ANKHD1: variants seen among roughly 807,000 people sequenced by gnomAD.
ANKHD1 encodes the protein ankyrin repeat and KH domain-containing protein 1.
In ANKHD1, 31 loss-of-function variants were observed where a neutral mutation model predicts 230.5. The observed-to-expected ratio is 0.13, with a 90% CI of 0.10 to 0.18. ANKHD1 has a LOEUF of 0.18. Ranked by LOEUF, ANKHD1 falls within the 10% of genes least tolerant of loss-of-function variation. The pLI is 1.00. For missense variants in ANKHD1, 2,256 were observed against 3,071.3 expected (o/e 0.73, Z 6.27); for synonymous variants, 1,074 against 1,117.6 (o/e 0.96, Z 0.78).
At chr5:140,488,174 T>C (rs576410817) in intron 14 of ANKHD1, among the ~76,000 whole-genome samples, 2 of 152,318 alleles carry the variant, frequency 1.3e-5, no homozygotes, top group Admixed American at 1.3e-4. Flanking sequence ...ATTTAACCTT[T>C]AGTAAAATAT....
At chr5:140,469,403 C>T (rs1776332846) in intron 10 of ANKHD1, among the ~76,000 whole-genome samples, 1 of 150,238 alleles carries the variant, frequency 6.7e-6, no homozygotes, top group African/African-American at 2.5e-5. Context: ...CCCAGCTACT[C>T]AGGAGGCTGA....
At chr5:140,466,463 A>G (rs1776096068) in intron 10 of ANKHD1, among the ~76,000 whole-genome samples, 1 of 152,120 alleles carries the variant, frequency 6.6e-6, no homozygotes, top group South Asian at 2.1e-4. Context: ...TCTAATGTAT[A>G]ACAAAACCAT....
At position 140,485,101 on chromosome 5, in the gene ANKHD1, C is replaced by A. The variant is rs373398710; in HGVS notation, c.1871-20C>A. The A allele has an allele frequency of 4.4e-6, 7 of 1,588,606 alleles. No individual in the cohort carries two copies. The highest frequency in any genetic ancestry group is 2.2e-5 in the South Asian group (2 of 89,686). ...TTGATGTCAACCTTTGCTAAGATTG[C>A]GATTTATTTTTCTTCAAAGGTGCCA... On this transcript the variant is annotated intron_variant, in intron 11 of 33. Coordinates refer to ENST00000360839, the MANE Select transcript of ANKHD1 (RefSeq NM_017747.3). This position sits in a 1 kb window ranked among gnomAD's most constrained non-coding sequence, Gnocchi z 4.8.
chr5:140,417,783 A>G (rs962630475), intron 1 of ANKHD1, among the ~76,000 whole-genome samples: 3 of 150,716 alleles, frequency 2.0e-5, no homozygotes, highest in East Asian at 2.0e-4. Flanking sequence ...TATAATTTCA[A>G]ACTTACTGGA....
intron 1 of ANKHD1, among the ~76,000 whole-genome samples, chr5:140,403,326 G>C (rs1770142055): frequency 6.6e-6 from 1 of 152,112 alleles, no homozygotes; most frequent in Admixed American, 6.6e-5. Context: ...TCTTCTGTGT[G>C]TACTCTAATG....
intron 9 of ANKHD1, among the ~76,000 whole-genome samples, chr5:140,463,060 GC>G (rs1180957147): frequency 4.0e-5 from 6 of 151,850 alleles, no homozygotes; most frequent in Non-Finnish European, 8.8e-5. Context: ...TGTTGCTTAG[GC>G]TGATCTCAAA....
rs757542674 is a variant in ANKHD1, at chr5:140,507,779, C to T, written c.3552-6C>T. The T allele has an allele frequency of 6.2e-7, 1 of 1,613,834 alleles. No homozygotes were observed. Reference sequence around the variant, plus strand: ...TTTAATTTTCTAAGCACATTTCCCCCTTTAGGACTGGGAGTAAACTAGGTA... The same window carrying T: ...TTTAATTTTCTAAGCACATTTCCCCTTTTAGGACTGGGAGTAAACTAGGTA... On this transcript the variant is annotated splice_polypyrimidine_tract_variant and splice_region_variant and intron_variant, in intron 19 of 33. Coordinates refer to ENST00000360839, the MANE Select transcript of ANKHD1 (RefSeq NM_017747.3). This position sits in a 1 kb window ranked among gnomAD's most constrained non-coding sequence, Gnocchi z 4.1.
chr5:140,538,850 T>C (rs1754189763), intron 32 of ANKHD1, 69 bp from the exon 33 acceptor site: 2 of 1,347,322 alleles, frequency 1.5e-6, no homozygotes, highest in Non-Finnish European at 1.9e-6. Context: ...AAGCTGGTAT[T>C]ATGGGATTTA....
chr5:140,532,527 C>T (rs1753880173), intron 29 of ANKHD1, among the ~76,000 whole-genome samples: 1 of 151,992 alleles, frequency 6.6e-6, no homozygotes, highest in Admixed American at 6.6e-5. Flanking sequence ...CCTCAACCTC[C>T]TGGGCTTCAA....
chr5:140,423,751 C>T (rs561339496), intron 1 of ANKHD1, among the ~76,000 whole-genome samples: 10 of 152,302 alleles, frequency 6.6e-5, no homozygotes, highest in African/African-American at 2.4e-4. Flanking sequence ...ATACTTTCCC[C>T]TTGCACTCCA....
chr5:140,485,459 G>A lies in ANKHD1; in HGVS notation c.1999-130G>A. The A allele has an allele frequency of 1.6e-6, 2 of 1,240,538 alleles. No homozygotes were observed. Among genetic ancestry groups the A allele is most frequent in the Non-Finnish European group, 2.2e-6 (2 of 930,046 alleles). The allele number at this position is 1,240,538 out of a possible 1,614,324, so 76.8% of individuals were successfully genotyped here. Reference sequence around the variant, plus strand: ...ATGTGTATATATATATAAATAATATGTGTATAGTTATAAAAATATGTTTGA... The same window carrying A: ...ATGTGTATATATATATAAATAATATATGTATAGTTATAAAAATATGTTTGA... On this transcript the variant is annotated intron_variant, in intron 12 of 33. Coordinates refer to ENST00000360839, the MANE Select transcript of ANKHD1 (RefSeq NM_017747.3). The surrounding 1 kb of genome is among the most constrained non-coding windows in gnomAD (Gnocchi z 4.8).
At chr5:140,512,208 C>G (rs1339256897) in intron 22 of ANKHD1, among the ~76,000 whole-genome samples, 1 of 150,694 alleles carries the variant, frequency 6.6e-6, no homozygotes, top group Admixed American at 6.6e-5. Flanking sequence ...GGCACTCCAG[C>G]CGGGGCAACA....
Position 140,506,082 on chromosome 5 carries a change from C to A in ANKHD1, c.3408+213C>A, listed in dbSNP as rs1331613651. On this transcript the variant is annotated intron_variant, in intron 18 of 33. Transcript: ENST00000360839. This position sits in a 1 kb window ranked among gnomAD's most constrained non-coding sequence, Gnocchi z 4.7. ...ACTCTGGGGCTCAAGCAATCCTCAG[C>A]CTCCCAAGTAGCTAGGGCTGTTTTG... is the stretch of plus-strand genomic sequence containing the variant. Among the ~76,000 whole-genome samples, 1 of 152,042 alleles carries A rather than the reference C, an allele frequency of 6.6e-6. No homozygotes were observed. Among genetic ancestry groups the A allele is most frequent in the African/African-American group, 2.4e-5 (1 of 41,384 alleles).
chr5:140,458,980 GCA>G lies in ANKHD1; in HGVS notation c.1480+119_1480+120del, dbSNP rs1561755245. The G allele has an allele frequency of 9.4e-4, 17 of 18,114 alleles. 1 individual carries two copies. The highest frequency in any genetic ancestry group is 1.4e-3 in the Non-Finnish European group (13 of 9,360). The allele number at this position is 18,114 out of a possible 1,614,324, so 1.1% of individuals were successfully genotyped here. On this transcript the variant is annotated intron_variant, in intron 8 of 33. Coordinates refer to ENST00000360839, the MANE Select transcript of ANKHD1 (RefSeq NM_017747.3). ...TATATATATATATATATATATATAT[GCA>G]TATATATATATATGCATATATATAT...
At position 140,527,746 on chromosome 5, in the gene ANKHD1, A is replaced by G. The variant is rs1350381467; in HGVS notation, c.5088-127A>G. On this transcript the variant is annotated intron_variant, in intron 27 of 33. Transcript: ENST00000360839. This position sits in a 1 kb window ranked among gnomAD's most constrained non-coding sequence, Gnocchi z 4.5. ...TCAATTTCTAAAATAAAAACTTTTAATAATTTCCTCTTTAGCATTTAAGAA... is the reference window on the plus strand; with the variant it reads ...TCAATTTCTAAAATAAAAACTTTTAGTAATTTCCTCTTTAGCATTTAAGAA... 2 of 1,188,942 alleles carry G rather than the reference A, an allele frequency of 1.7e-6. No homozygotes were observed. The highest frequency in any genetic ancestry group is 2.2e-6 in the Non-Finnish European group (2 of 913,176). The allele number at this position is 1,188,942 out of a possible 1,614,324, so 73.6% of individuals were successfully genotyped here.
In ANKHD1 at chr5:140,455,007, C is replaced by T. The variant is rs531030226; in HGVS notation, c.1243-3618C>T. ...GAAGAAGAGAGAAGAATCAAATAGA[C>T]GCAATAAAAAATGATAAAGGGGATA... On this transcript the variant is annotated intron_variant, in intron 7 of 33. Transcript: ENST00000360839. 2.4e-4 allele frequency among the ~76,000 whole-genome samples: 36 copies of T among 151,894 alleles called. 1 individual carries two copies. The highest frequency in any genetic ancestry group is 5.8e-4 in the East Asian group (3 of 5,172).
chr5:140,509,654 G>C lies in ANKHD1; in HGVS notation c.3783G>C (p.Leu1261Phe), dbSNP rs1752679755. 1.3e-5 allele frequency: 21 copies of C among 1,582,476 alleles called. No individual in the cohort carries two copies. Among genetic ancestry groups the C allele is most frequent in the Non-Finnish European group, 1.6e-5 (19 of 1,167,718 alleles). ...EHRAKTGLTPLMEAASGGYAE... is the reference protein window; with the variant it reads ...EHRAKTGLTPFMEAASGGYAE... ...TTAAACAGACGGGTCTTACCCCCTT[G>C]ATGGAAGCAGCTTCTGGAGGGTATG... Residue 1261 changes from leucine to phenylalanine, a missense_variant, in exon 21 of 34, where the codon TTG becomes TTC. Leu to Phe is a conservative substitution (Grantham distance 22). Coordinates refer to ENST00000360839, the MANE Select transcript of ANKHD1 (RefSeq NM_017747.3).
At chr5:140,518,213 A>G (rs1753135817) in intron 24 of ANKHD1, among the ~76,000 whole-genome samples, 1 of 152,134 alleles carries the variant, frequency 6.6e-6, no homozygotes, top group African/African-American at 2.4e-5. Flanking sequence ...TCCTCGACAC[A>G]TACACTCTCC....
chr5:140,489,165 G>A (rs1751649037), intron 14 of ANKHD1, among the ~76,000 whole-genome samples: 1 of 151,224 alleles, frequency 6.6e-6, no homozygotes, highest in South Asian at 2.1e-4. Context: ...ACCCCAGTGT[G>A]GGCCACAGAG....
Sources: allele counts gnomAD v4.1 joint callset (sites outside exome capture counted in the v4.1 genomes callset), GRCh38; gene constraint gnomAD v4.1.1; non-coding constraint Gnocchi (gnomAD v3.1); transcripts MANE v1.5; gene names NCBI Gene and HGNC (gene_info 2026-07-23, HGNC 2026-07-21).